MIPOL1: variants seen among roughly 807,000 people sequenced by gnomAD.
MIPOL1 encodes the protein mirror-image polydactyly 1.
Under a neutral mutation model 60.9 loss-of-function variants are expected in MIPOL1, and 57 were observed. The observed-to-expected ratio is 0.94, with a 90% confidence interval of 0.76 to 1.17. The LOEUF (loss-of-function observed/expected upper bound fraction) is 1.17, where lower values mean the gene tolerates loss of function less well. MIPOL1 is among the 50% of genes most tolerant of loss of function. The probability of loss-of-function intolerance (pLI) is 0.00; values close to 1 mark genes in which losing one functional copy is unlikely to be tolerated. For missense variants in MIPOL1, 551 were observed against 511.6 expected (o/e 1.08, Z -0.74); for synonymous variants, 179 against 168.8 (o/e 1.06, Z -0.47).
intron 7 of MIPOL1, among the ~76,000 whole-genome samples, chr14:37,295,794 A>T (rs889743563): frequency 6.6e-6 from 1 of 152,198 alleles, no homozygotes; most frequent in Admixed American, 6.5e-5. Context: ...GAGCACCCAG[A>T]TTCATAAAGC....
intron 1 of MIPOL1, among the ~76,000 whole-genome samples, chr14:37,211,642 A>G (rs1261800465): frequency 6.6e-6 from 1 of 152,122 alleles, no homozygotes; most frequent in Non-Finnish European, 1.5e-5. Context: ...AGTCTAGGCC[A>G]TAAGGACTGC....
chr14:37,285,454 A>C lies in MIPOL1; in HGVS notation c.623+7A>C. On this transcript the variant is annotated splice_region_variant and intron_variant, in intron 7 of 12. Coordinates refer to ENST00000684589, the MANE Select transcript of MIPOL1 (RefSeq NM_001388067.1). ...TGGAAATGTCTCTAAAAGTGTATGT[A>C]CACATTTAAAACTCAGTATGATATT... The C allele has an allele frequency of 6.2e-7, 1 of 1,612,924 alleles. No individual in the cohort carries two copies. The highest frequency in any genetic ancestry group is 8.5e-7 in the Non-Finnish European group (1 of 1,179,414).
At chr14:37,254,882 C>A (rs1001606473) in intron 3 of MIPOL1, among the ~76,000 whole-genome samples, 1 of 151,668 alleles carries the variant, frequency 6.6e-6, no homozygotes, top group Non-Finnish European at 1.5e-5. Context: ...GTATGATCCT[C>A]TTTGTAGAAC....
chr14:37,379,490 T>C (rs146647740), intron 10 of MIPOL1, among the ~76,000 whole-genome samples: 212 of 152,192 alleles, frequency 1.4e-3, no homozygotes, highest in African/African-American at 4.7e-3. Context: ...ATAAAACTTC[T>C]GTGTTTTAAA....
chr14:37,208,234 G>A lies in MIPOL1; in HGVS notation c.-199+10130G>A, dbSNP rs74047241. Among the ~76,000 whole-genome samples the A allele has an allele frequency of 9.9e-3, 1,510 of 152,236 alleles. 20 individuals are homozygous for A. The highest frequency in any genetic ancestry group is 0.035 in the African/African-American group (1,440 of 41,552). On this transcript the variant is annotated intron_variant, in intron 1 of 12. Transcript: ENST00000684589. ...GTACTTGGAGAATGACTTTCAATAT[G>A]TGTGGTTTTATAAGTTTCGGAAGCT...
At chr14:37,538,851 A>C (rs2095517911) in intron 12 of MIPOL1, among the ~76,000 whole-genome samples, 1 of 152,202 alleles carries the variant, frequency 6.6e-6, no homozygotes, top group African/African-American at 2.4e-5. Context: ...ACCAACTGTT[A>C]GCACATGCCA....
chr14:37,291,004 G>A (rs1278544339), intron 7 of MIPOL1, among the ~76,000 whole-genome samples: 1 of 152,086 alleles, frequency 6.6e-6, no homozygotes, highest in Non-Finnish European at 1.5e-5. Flanking sequence ...AAGGATAATG[G>A]CCTCCAGCTC....
chr14:37,536,466 A>G (rs1370919576), intron 12 of MIPOL1, among the ~76,000 whole-genome samples: 1 of 152,192 alleles, frequency 6.6e-6, no homozygotes, highest in African/African-American at 2.4e-5. Context: ...GTAATAAATT[A>G]TAGATATGCC....
intron 3 of MIPOL1, among the ~76,000 whole-genome samples, chr14:37,264,985 T>G (rs2153382830): frequency 6.6e-6 from 1 of 152,310 alleles, no homozygotes; most frequent in Non-Finnish European, 1.5e-5. Context: ...ACTTTTAATT[T>G]ATTTCATCAA....
intron 10 of MIPOL1, among the ~76,000 whole-genome samples, chr14:37,392,308 A>G (rs1028579755): frequency 1.3e-5 from 2 of 152,180 alleles, no homozygotes; most frequent in African/African-American, 4.8e-5. Flanking sequence ...ACACCTAAGT[A>G]TTTAATATTT....
At chr14:37,496,106 T>C (rs148109501) in intron 11 of MIPOL1, among the ~76,000 whole-genome samples, 3,196 of 152,186 alleles carry the variant, frequency 0.021, 101 homozygotes, top group African/African-American at 0.072. Flanking sequence ...GTAGTTTCTT[T>C]TGCTGTGCAG....
intron 6 of MIPOL1, 113 bp downstream of exon 6, chr14:37,270,638 C>CT (rs1233373740): frequency 1.3e-5 from 4 of 312,548 alleles, no homozygotes; most frequent in Admixed American, 1.8e-4. Flanking sequence ...AGGGGAAGCT[C>CT]TCCTTTTTTT....
At chr14:37,434,860 A>AC (rs1436196556) in intron 11 of MIPOL1, among the ~76,000 whole-genome samples, 1 of 152,004 alleles carries the variant, frequency 6.6e-6, no homozygotes, top group East Asian at 1.9e-4. Context: ...CAAAAAAAAA[A>AC]AAAAAACAAA....
chr14:37,536,009 A>G (rs987210488), intron 12 of MIPOL1, among the ~76,000 whole-genome samples: 7 of 152,132 alleles, frequency 4.6e-5, no homozygotes, highest in Admixed American at 1.3e-4. Flanking sequence ...GGCTCAAGCA[A>G]TCCTCCAACC....
chr14:37,270,444 G>A lies in MIPOL1; in HGVS notation c.412G>A (p.Asp138Asn), dbSNP rs186609591. The A allele has an allele frequency of 5.0e-6, 8 of 1,591,892 alleles. No individual in the cohort carries two copies. The East Asian group carries it at 1.1e-4, about 23-fold the overall frequency. ...KKLQQKLAKE[D>N]KEQRKLKFKL... ...GCTTCAGCAGAAATTGGCTAAAGAAGATAAAGAACAGAGAAAACTAAAGTT... is the reference window on the plus strand; with the variant it reads ...GCTTCAGCAGAAATTGGCTAAAGAAAATAAAGAACAGAGAAAACTAAAGTT... Residue 138 changes from aspartate (D) to asparagine (N), a missense_variant, in exon 6 of 13, where the codon GAT becomes AAT. Transcript: ENST00000684589.
chr14:37,319,987 C>A (rs764466696), intron 9 of MIPOL1, among the ~76,000 whole-genome samples: 32 of 152,092 alleles, frequency 2.1e-4, no homozygotes, highest in Admixed American at 5.3e-4. Flanking sequence ...AATAATGTGT[C>A]TTTTTCATTG....
At chr14:37,441,706 G>GT (rs1259747344) in intron 11 of MIPOL1, among the ~76,000 whole-genome samples, 3 of 151,800 alleles carry the variant, frequency 2.0e-5, no homozygotes, top group East Asian at 3.9e-4. Context: ...TTTGTTTTCT[G>GT]TTTTTTGGGG....
intron 9 of MIPOL1, among the ~76,000 whole-genome samples, chr14:37,327,181 G>A (rs1414337978): frequency 6.6e-6 from 1 of 152,206 alleles, no homozygotes; most frequent in Non-Finnish European, 1.5e-5. Context: ...GTTGGATTTA[G>A]GGTCTTGAGG....
intron 12 of MIPOL1, among the ~76,000 whole-genome samples, chr14:37,516,478 C>G (rs111299590): frequency 0.02 from 3,078 of 152,224 alleles, 101 homozygotes; most frequent in African/African-American, 0.07. Context: ...AAGTATACTT[C>G]ATAGGATAAA....
Sources: gnomAD v4.1 joint callset for allele counts (sites outside exome capture counted in the v4.1 genomes callset) on GRCh38, gnomAD v4.1.1 for gene constraint, MANE v1.5 for transcripts, NCBI Gene and HGNC (gene_info 2026-07-23, HGNC 2026-07-21) for gene names.